Variants in ARAP2 observed in about 807,000 individuals in gnomAD.
ARAP2 encodes the protein ArfGAP with RhoGAP domain, ankyrin repeat and PH domain 2.
ARAP2 carries 148 observed loss-of-function variants against 194.5 expected under a neutral mutation model. The observed-to-expected ratio is 0.76, with a 90% CI of 0.67 to 0.87. The LOEUF (loss-of-function observed/expected upper bound fraction) is 0.87, where lower values mean the gene tolerates loss of function less well. Among genes scored for constraint, ARAP2 ranks in the 40% least tolerant of loss-of-function variants. The pLI, the probability that ARAP2 is intolerant of heterozygous loss-of-function variation, is 0.00. For synonymous variants in ARAP2, 695 were observed against 683.5 expected, an observed-to-expected ratio of 1.02 and a Z score of -0.26; for missense variants, 2,128 against 1,989.7, an observed-to-expected ratio of 1.07 and a Z score of -1.32.
intron 24 of ARAP2, among the ~76,000 whole-genome samples, chr4:36,118,290 T>TA (rs71653572): frequency 0.32 from 37,724 of 119,494 alleles, 5,910 homozygotes; most frequent in Non-Finnish European, 0.4. Context: ...CTTAAAAAGT[T>TA]AAAAAAAAAA....
intron 2 of ARAP2, among the ~76,000 whole-genome samples, chr4:36,227,956 A>G (rs535241126): frequency 6.6e-6 from 1 of 152,292 alleles, no homozygotes; most frequent in South Asian, 2.1e-4. Context: ...GCGTATAAGA[A>G]CCTACACTGG....
chr4:36,183,821 T>C (rs1235637005), intron 8 of ARAP2, among the ~76,000 whole-genome samples: 1 of 152,176 alleles, frequency 6.6e-6, no homozygotes, highest in Non-Finnish European at 1.5e-5. Flanking sequence ...AGGAAAAGAT[T>C]CCAAACTATA....
intron 5 of ARAP2, among the ~76,000 whole-genome samples, chr4:36,027,626 T>C (rs934652246): frequency 2.0e-5 from 3 of 152,064 alleles, no homozygotes; most frequent in Non-Finnish European, 2.9e-5. Context: ...ATGATAATTA[T>C]TATCATGTAT....
At chr4:36,171,931 G>C (rs112157968) in intron 9 of ARAP2, among the ~76,000 whole-genome samples, 7,356 of 152,148 alleles carry the variant, frequency 0.048, 601 homozygotes, top group African/African-American at 0.17. Context: ...ACTACAATCT[G>C]ATAGCAAGCT....
At chr4:36,236,728 T>C (rs1261141111) in intron 1 of ARAP2, among the ~76,000 whole-genome samples, 1 of 152,262 alleles carries the variant, frequency 6.6e-6, no homozygotes, top group African/African-American at 2.4e-5. Context: ...ATTGGAACTA[T>C]ATCCCTTGAT....
intron 3 of ARAP2, among the ~76,000 whole-genome samples, chr4:36,051,181 T>C (rs1400105347): frequency 6.6e-6 from 1 of 152,182 alleles, no homozygotes; most frequent in Non-Finnish European, 1.5e-5. Flanking sequence ...TTTGGTCAGA[T>C]AACCTTGAGA....
chr4:36,243,928 C>G (rs1378055765), intron 1 of ARAP2: 1 of 152,234 alleles, frequency 6.6e-6, no homozygotes, highest in Non-Finnish European at 1.5e-5. Flanking sequence ...GTCCAGCTGT[C>G]TATCCGGATC....
chr4:36,115,204 C>G (rs543981185), intron 25 of ARAP2, among the ~76,000 whole-genome samples: 95 of 152,028 alleles, frequency 6.2e-4, no homozygotes, highest in African/African-American at 2.2e-3. Flanking sequence ...GCAAAGTCTA[C>G]CTTTTGTATT....
intron 9 of ARAP2, among the ~76,000 whole-genome samples, chr4:36,173,068 T>C (rs1191930514): frequency 6.6e-6 from 1 of 152,190 alleles, no homozygotes; most frequent in African/African-American, 2.4e-5. Context: ...AGTGAGTTTA[T>C]GTAGTTTAAA....
intron 2 of ARAP2, 101 bp downstream of exon 2, chr4:36,228,481 T>A: frequency 7.9e-7 from 1 of 1,262,988 alleles, no homozygotes; most frequent in South Asian, 1.6e-5. Context: ...GGTAAATGAA[T>A]ACAGTCAAAT....
chr4:36,192,390 G>A (rs1742126945), intron 7 of ARAP2, among the ~76,000 whole-genome samples: 1 of 152,096 alleles, frequency 6.6e-6, no homozygotes, highest in Non-Finnish European at 1.5e-5. Context: ...CTTCACTGCA[G>A]TTGAGATAAG....
At chr4:36,072,677 A>AC (rs1553887435) in intron 32 of ARAP2, among the ~76,000 whole-genome samples, 26 of 148,222 alleles carry the variant, frequency 1.8e-4, no homozygotes, top group Middle Eastern at 3.5e-3. Flanking sequence ...CAAAAAAAAA[A>AC]CCCCAAAAAA....
In ARAP2 at chr4:36,177,899, T is replaced by C. The variant is rs780561578; in HGVS notation, c.1785A>G (p.Glu595=). ...VVTPEKCGYL[E]LRGYKAKIFT... ...AAATTTTTGCCTTATAGCCTCTCAA[T>C]TCAAGATATCCACATTTCTCAGGTG... Residue 595 remains glutamate, a synonymous_variant, in exon 9 of 33, where the codon GAA becomes GAG. Transcript: ENST00000303965. 38 of 1,613,490 alleles carry C rather than the reference T, an allele frequency of 2.4e-5. No homozygotes were observed. Among genetic ancestry groups the C allele is most frequent in the Admixed American group, 1.2e-4 (7 of 59,942 alleles).
intron 1 of ARAP2, among the ~76,000 whole-genome samples, chr4:36,232,367 C>T (rs1751654653): frequency 6.6e-6 from 1 of 152,214 alleles, no homozygotes; most frequent in South Asian, 2.1e-4. Flanking sequence ...TCCACATGCT[C>T]AACCAGATAA....
At chr4:36,101,079 T>C (rs1482990912) in intron 27 of ARAP2, among the ~76,000 whole-genome samples, 1 of 152,046 alleles carries the variant, frequency 6.6e-6, no homozygotes, top group African/African-American at 2.4e-5. Context: ...TACATTGCAT[T>C]AGGTATTATA....
At chr4:36,040,750 G>A (rs556505693) in intron 5 of ARAP2, among the ~76,000 whole-genome samples, 11 of 152,162 alleles carry the variant, frequency 7.2e-5, no homozygotes, top group Non-Finnish European at 1.3e-4. Context: ...CGAGAGTACG[G>A]GGTTTCTAGA....
intron 8 of ARAP2, 69 bp downstream of exon 8, chr4:36,187,382 T>C: frequency 1.1e-6 from 1 of 874,212 alleles, no homozygotes; most frequent in Non-Finnish European, 1.6e-6. Context: ...ACATTCCTAG[T>C]CTAACTGGTT....
chr4:36,157,797 T>TTATA (rs139585079), intron 15 of ARAP2, among the ~76,000 whole-genome samples: 8 of 150,930 alleles, frequency 5.3e-5, no homozygotes, highest in East Asian at 3.9e-4. Flanking sequence ...TTAGGATATA[T>TTATA]TATATATATA....
chr4:36,042,183 A>G (rs1560308470), intron 5 of ARAP2, among the ~76,000 whole-genome samples: 1 of 152,314 alleles, frequency 6.6e-6, no homozygotes, highest in East Asian at 1.9e-4. Flanking sequence ...TGAAAGTTAA[A>G]AAAAACAGAC....
Sources: allele counts gnomAD v4.1 joint callset (sites outside exome capture counted in the v4.1 genomes callset), GRCh38; gene constraint gnomAD v4.1.1; transcripts MANE v1.5; gene names NCBI Gene and HGNC (gene_info 2026-07-23, HGNC 2026-07-21).